ASB15: variants seen among roughly 807,000 people sequenced by gnomAD.
ASB15 encodes ankyrin repeat and SOCS box protein 15.
Under a neutral mutation model 58.0 loss-of-function variants are expected in ASB15, and 54 were observed. That is an observed-to-expected ratio of 0.93 (90% CI 0.75 to 1.17). The LOEUF (loss-of-function observed/expected upper bound fraction) is 1.17, where lower values mean the gene tolerates loss of function less well. Ranked by LOEUF, ASB15 falls within the 50% of genes most tolerant of loss-of-function variation. The pLI is 0.00. For missense variants in ASB15, 680 were observed against 707.4 expected (o/e 0.96, Z 0.44); for synonymous variants, 249 against 262.4 (o/e 0.95, Z 0.50).
rs368088097 is a variant in ASB15, at chr7:123,629,201, G to T, written c.1207G>T (p.Gly403Ter). 3.0e-4 allele frequency: 478 copies of T among 1,613,602 alleles called. No individual in the cohort carries two copies. Among genetic ancestry groups the T allele is most frequent in the Non-Finnish European group, 3.9e-4 (465 of 1,179,640 alleles). ...AATTGTCAGGCTGCTTCTCTCCCAT[G>T]GAGCTAATGTCAATTGTTATTTTAT... Reference protein sequence around the residue: ...YEIVRLLLSHGANVNCYFMHV... With the variant: ...YEIVRLLLSH The change falls in exon 10 of 12, where the codon GGA becomes TGA. Residue 403 changes from glycine to a stop codon, truncating the protein, a stop_gained. Transcript: ENST00000451215. LOFTEE classifies it high-confidence loss of function.
intron 1 of ASB15, among the ~76,000 whole-genome samples, chr7:123,588,008 G>A (rs1799422999): frequency 1.3e-5 from 2 of 151,640 alleles, no homozygotes; most frequent in Admixed American, 6.6e-5. Flanking sequence ...TTCTTATGGT[G>A]TCCTTGTCTG....
rs1195032568 is a variant in ASB15, at chr7:123,590,937, A to C, written c.-442-13095A>C. ...TGATTCTTCCTATCGATGAGTATGGAATGTTCTTCCATTTGTTTGTGTCTT... is the reference window on the plus strand; with the variant it reads ...TGATTCTTCCTATCGATGAGTATGGCATGTTCTTCCATTTGTTTGTGTCTT... On this transcript the variant is annotated intron_variant, in intron 1 of 13. Coordinates refer to the ASB15 transcript ENST00000451558. 2.6e-5 allele frequency among the ~76,000 whole-genome samples: 4 copies of C among 152,214 alleles called. No homozygotes were observed. In the East Asian group the frequency reaches 7.7e-4, roughly 29 times the overall value.
At chr7:123,598,191 G>A (rs1375791373), upstream of ASB15, among the ~76,000 whole-genome samples, 1 of 152,066 alleles carries the variant, frequency 6.6e-6, no homozygotes, top group East Asian at 1.9e-4. Context: ...GTCCCTGGAA[G>A]TATAATATAC....
intron 3 of ASB15, chr7:123,614,221 C>A: frequency 9.9e-6 from 3 of 304,200 alleles, no homozygotes; most frequent in South Asian, 5.0e-5. Flanking sequence ...TCTTATAAGC[C>A]CAACTGCAGT....
rs963945279 is a variant in ASB15 at position 123,639,140 on chromosome 7, C to T, written c.*2159C>T. 5 of 151,228 alleles carry T rather than the reference C, an allele frequency of 3.3e-5. No homozygotes were observed. The highest frequency in any genetic ancestry group is 1.2e-4 in the African/African-American group (5 of 41,296). 9.4% of individuals were successfully genotyped at this position (151,228 alleles called of 1,614,324 possible). ...TTTATTTTTACCTTGTTACCGTATT[C>T]TTTAAACAGTAATATCTCACTGGTC... On this transcript the variant is annotated 3_prime_UTR_variant, in exon 12 of 12. Transcript: ENST00000451215.
intron 8 of ASB15, among the ~76,000 whole-genome samples, chr7:123,626,212 A>T (rs1801763609): frequency 6.6e-6 from 1 of 152,216 alleles, no homozygotes; most frequent in Non-Finnish European, 1.5e-5. Flanking sequence ...TGTTAAGTTA[A>T]AATAGAGGGG....
At chr7:123,617,992 T>C (rs1483258815) in intron 7 of ASB15, among the ~76,000 whole-genome samples, 7 of 152,208 alleles carry the variant, frequency 4.6e-5, no homozygotes, top group Admixed American at 2.6e-4. Flanking sequence ...AATTAGTTTT[T>C]TGAAGCCAGA....
intron 1 of ASB15, among the ~76,000 whole-genome samples, chr7:123,578,544 C>T (rs537737125): frequency 6.6e-6 from 1 of 152,104 alleles, no homozygotes; most frequent in East Asian, 1.9e-4. Flanking sequence ...CAGTTAATTT[C>T]AGGCATTTGC....
chr7:123,574,847 T>C (rs1055511713), intron 1 of ASB15, among the ~76,000 whole-genome samples: 1 of 152,100 alleles, frequency 6.6e-6, no homozygotes, highest in Admixed American at 6.6e-5. Context: ...TCCTCCAAAG[T>C]ACTCTTTTTA....
In ASB15 at chr7:123,624,804, A is replaced by T; in HGVS notation, c.687A>T (p.Leu229=). Residue 229 remains leucine (L), a synonymous_variant, in exon 8 of 12, where the codon CTA becomes CTT. Transcript: ENST00000451215. ...GTCACTGTGACGTGTTAGAACATCT[A>T]ATCCACAAAGGTATGTGAAAAGGAG... ...EYGHCDVLEH[L]IHKGGDVLAL... is the part of the protein sequence containing the mutation. The T allele has an allele frequency of 1.2e-6, 2 of 1,613,792 alleles. No individual in the cohort carries two copies. The highest frequency in any genetic ancestry group is 1.7e-6 in the Non-Finnish European group (2 of 1,179,796).
chr7:123,624,857 C>T, intron 8 of ASB15, 43 bp downstream of exon 8: 1 of 1,572,296 alleles, frequency 6.4e-7, no homozygotes, highest in Non-Finnish European at 8.7e-7. Flanking sequence ...TGTCCTGCCT[C>T]TCGAACTCTC....
At chr7:123,625,025 T>G (rs1021476398) in intron 8 of ASB15, 1 of 568,610 alleles carries the variant, frequency 1.8e-6, no homozygotes, top group Admixed American at 3.2e-5. Context: ...CCTACGAATT[T>G]ACAAGCCCAG....
intron 3 of ASB15, among the ~76,000 whole-genome samples, chr7:123,612,651 G>A (rs1175260500): frequency 6.6e-6 from 1 of 152,080 alleles, no homozygotes. Flanking sequence ...AGAGACAAAT[G>A]AAGCTAAGCA....
chr7:123,633,524 C>A (rs2116677970), intron 11 of ASB15, among the ~76,000 whole-genome samples: 1 of 152,112 alleles, frequency 6.6e-6, no homozygotes, highest in Non-Finnish European at 1.5e-5. Context: ...AAAGAGAAAT[C>A]CTGTAGTCCT....
intron 1 of ASB15, 137 bp from the exon 2 acceptor site, chr7:123,603,895 A>C (rs1002201190): frequency 1.3e-5 from 2 of 152,176 alleles, no homozygotes; most frequent in African/African-American, 4.8e-5. Flanking sequence ...ACTTGGACTA[A>C]ATTAACAGAT....
chr7:123,624,830 T>C lies in ASB15; in HGVS notation c.697+16T>C. 1 of 1,608,704 alleles carries C rather than the reference T, an allele frequency of 6.2e-7. No homozygotes were observed. The highest frequency in any genetic ancestry group is 1.1e-5 in the South Asian group (1 of 90,280). On this transcript the variant is annotated intron_variant, in intron 8 of 11. Coordinates refer to ENST00000451215, the MANE Select transcript of ASB15 (RefSeq NM_001290258.2). ...ATCCACAAAGGTATGTGAAAAGGAG[T>C]TACACTTCCTGACTTTTGTCCTGCC...
chr7:123,617,736 T>C lies in ASB15; in HGVS notation c.450T>C (p.Ile150=). The C allele has an allele frequency of 1.2e-6, 2 of 1,605,660 alleles. No individual in the cohort carries two copies. Among genetic ancestry groups the C allele is most frequent in the Non-Finnish European group, 8.5e-7 (1 of 1,175,032 alleles). Residue 150 remains isoleucine (I), a splice_region_variant and synonymous_variant, in exon 7 of 12, where the codon ATT becomes ATC. Transcript: ENST00000451215. Reference sequence around the variant, plus strand: ...ATAAAGGAGAGACCCCCCTTCTGATTGGTAAATGACCTTTTTTTCTAGAAC... The same window carrying C: ...ATAAAGGAGAGACCCCCCTTCTGATCGGTAAATGACCTTTTTTTCTAGAAC... ...KNDKGETPLL[I]AVKKGSYDMV...
In ASB15 at chr7:123,637,878, T is replaced by TAAAAAAAAAAAAACAAAAAAAA. The variant is rs1802500412; in HGVS notation, c.*910_*911insCAAAAAAAAAAAAAAAAAAAAA. 1.9e-5 allele frequency: 1 copy of TAAAAAAAAAAAAACAAAAAAAA among 52,468 alleles called. No homozygotes were observed. The highest frequency in any genetic ancestry group is 6.4e-4 in the East Asian group (1 of 1,554). The allele number at this position is 52,468 out of a possible 1,614,324, so 3.3% of individuals were successfully genotyped here. A position where few individuals can be genotyped will look rare whatever the true frequency, so the allele number is the denominator to read the frequency against. On this transcript the variant is annotated 3_prime_UTR_variant, in exon 12 of 12. Coordinates refer to ENST00000451215, the MANE Select transcript of ASB15 (RefSeq NM_001290258.2). ...AAATTCAACATGTCCCCAGATGAAC[T>TAAAAAAAAAAAAACAAAAAAAA]AAAAAAAAAAAAAAAAAAAAAACCT...
intron 1 of ASB15, among the ~76,000 whole-genome samples, chr7:123,581,141 G>A (rs1799222791): frequency 6.6e-6 from 1 of 151,770 alleles, no homozygotes. Flanking sequence ...TCAGCTCTTT[G>A]CGGAGGAGGA....
Sources: gnomAD v4.1 joint callset for allele counts (sites outside exome capture counted in the v4.1 genomes callset) on GRCh38, gnomAD v4.1.1 for gene constraint, MANE v1.5 for transcripts, NCBI Gene and HGNC (gene_info 2026-07-23, HGNC 2026-07-21) for gene names.